CORO2B: variants seen among roughly 807,000 people sequenced by gnomAD.
The protein encoded by CORO2B is coronin-2B.
In CORO2B, 26 loss-of-function variants were observed where a neutral mutation model predicts 58.8. That is an observed-to-expected ratio of 0.44 (90% CI 0.32 to 0.61). The LOEUF (loss-of-function observed/expected upper bound fraction) is 0.61. CORO2B is among the 20% of genes least tolerant of loss of function. The probability of loss-of-function intolerance (pLI) is 0.04; values close to 1 mark genes in which losing one functional copy is unlikely to be tolerated. For synonymous variants in CORO2B, 242 were observed against 253.8 expected, an observed-to-expected ratio of 0.95 and a Z score of 0.44; for missense variants, 460 against 645.1, an observed-to-expected ratio of 0.71 and a Z score of 3.11.
intron 1 of CORO2B, among the ~76,000 whole-genome samples, chr15:68,640,324 G>T (rs1452153857): frequency 1.3e-5 from 2 of 152,160 alleles, no homozygotes; most frequent in Non-Finnish European, 2.9e-5. Context: ...CTTTACCAAA[G>T]CCAAGTAACT....
chr15:68,586,973 A>C (rs1280582240), intron 1 of CORO2B, among the ~76,000 whole-genome samples: 2 of 151,456 alleles, frequency 1.3e-5, no homozygotes, highest in African/African-American at 2.4e-5. Flanking sequence ...AATTATGACC[A>C]TTTTTGTTCT....
chr15:68,697,212 T>G (rs868805534), intron 3 of CORO2B, among the ~76,000 whole-genome samples: 1 of 147,056 alleles, frequency 6.8e-6, no homozygotes, highest in African/African-American at 2.6e-5. Flanking sequence ...ATGGATGGAT[T>G]GTTGGATGGA....
At chr15:68,550,780 G>A in the CORO2B span, among the ~76,000 whole-genome samples, 1 of 152,228 alleles carries the variant, frequency 6.6e-6, no homozygotes, top group Non-Finnish European at 1.5e-5. Flanking sequence ...ACACATCTGA[G>A]ATGCAGGCGG....
chr15:68,584,356 A>G (rs1388679465), intron 1 of CORO2B, among the ~76,000 whole-genome samples: 1 of 151,968 alleles, frequency 6.6e-6, no homozygotes, highest in Non-Finnish European at 1.5e-5. Context: ...CCACCTTGAC[A>G]CCTATGGCAG....
intron 2 of CORO2B, among the ~76,000 whole-genome samples, 182 bp from the exon 3 acceptor site, chr15:68,694,958 C>T (rs1167533226): frequency 5.9e-5 from 9 of 152,178 alleles, no homozygotes; most frequent in African/African-American, 2.2e-4. Flanking sequence ...GACACAGCTG[C>T]AGAGCAGTGT....
chr15:68,574,676 C>G (rs1899245477), upstream of CORO2B, among the ~76,000 whole-genome samples: 1 of 152,110 alleles, frequency 6.6e-6, no homozygotes, highest in African/African-American at 2.4e-5. Flanking sequence ...CAGCATCTCC[C>G]AAGTGTCAGC....
intron 2 of CORO2B, among the ~76,000 whole-genome samples, chr15:68,662,519 C>G (rs911208007): frequency 6.6e-6 from 1 of 152,138 alleles, no homozygotes; most frequent in African/African-American, 2.4e-5. Context: ...GCACTAAACA[C>G]GATGAAAAAT....
chr15:68,624,649 A>G (rs1900626560), intron 1 of CORO2B, among the ~76,000 whole-genome samples: 4 of 150,858 alleles, frequency 2.7e-5, no homozygotes, highest in Admixed American at 2.0e-4. Flanking sequence ...AATTCACTAG[A>G]TCTGGGGTGG....
chr15:68,654,074 T>C (rs1176455595), intron 2 of CORO2B, among the ~76,000 whole-genome samples: 3 of 152,336 alleles, frequency 2.0e-5, no homozygotes, highest in East Asian at 3.9e-4. Flanking sequence ...GGGAGGAGAA[T>C]TGTGCTCTCA....
intron 3 of CORO2B, 111 bp downstream of exon 3, chr15:68,695,367 T>G (rs1008519682): frequency 1.3e-6 from 1 of 764,792 alleles, no homozygotes; most frequent in Non-Finnish European, 2.3e-6. Context: ...TCTTCCCTCC[T>G]CTTTGTCATC....
chr15:68,696,267 G>GT (rs1224707234), intron 3 of CORO2B, among the ~76,000 whole-genome samples: 1 of 149,522 alleles, frequency 6.7e-6, no homozygotes, highest in Non-Finnish European at 1.5e-5. Context: ...AAAAAAAAGA[G>GT]TTCGAGCATG....
chr15:68,605,783 C>T (rs773118340), intron 1 of CORO2B, among the ~76,000 whole-genome samples: 42 of 125,576 alleles, frequency 3.3e-4, no homozygotes, highest in African/African-American at 1.1e-3. Flanking sequence ...AGTGCAGTGG[C>T]GCAATATCTC....
chr15:68,642,372 A>G (rs1177313259), intron 1 of CORO2B, among the ~76,000 whole-genome samples: 2 of 151,874 alleles, frequency 1.3e-5, no homozygotes, highest in Non-Finnish European at 2.9e-5. Flanking sequence ...TGCACTGGGA[A>G]GAGCAGAGAA....
intron 2 of CORO2B, among the ~76,000 whole-genome samples, chr15:68,646,333 C>T (rs1327460426): frequency 6.6e-6 from 1 of 152,182 alleles, no homozygotes; most frequent in Non-Finnish European, 1.5e-5. Flanking sequence ...TGAGTTCCCC[C>T]TTCCCAGCCT....
At position 68,715,195 on chromosome 15, in the gene CORO2B, T is replaced by C; in HGVS notation, c.871-20T>C. On this transcript the variant is annotated intron_variant, in intron 7 of 11. Coordinates refer to ENST00000261861, the MANE Select transcript of CORO2B (RefSeq NM_006091.5). ...CTCCCTACCTGCCACCTTCCTCAACTCCATCTCTCCTGACCCCAGGGTGAT... is the reference window on the plus strand; with the variant it reads ...CTCCCTACCTGCCACCTTCCTCAACCCCATCTCTCCTGACCCCAGGGTGAT... The C allele has an allele frequency of 6.2e-7, 1 of 1,610,788 alleles. No individual in the cohort carries two copies. Among genetic ancestry groups the C allele is most frequent in the Non-Finnish European group, 8.5e-7 (1 of 1,177,230 alleles).
At chr15:68,532,850 G>A in the CORO2B span, among the ~76,000 whole-genome samples, 1 of 152,140 alleles carries the variant, frequency 6.6e-6, no homozygotes, top group African/African-American at 2.4e-5. Flanking sequence ...AATGCCCTGG[G>A]CAATCAATAA....
intron 2 of CORO2B, among the ~76,000 whole-genome samples, chr15:68,693,684 C>T (rs760734093): frequency 6.6e-6 from 1 of 152,230 alleles, no homozygotes; most frequent in Non-Finnish European, 1.5e-5. Flanking sequence ...GACTCACCCC[C>T]TCCCAGGAAG....
chr15:68,595,857 G>A, intron 1 of CORO2B, among the ~76,000 whole-genome samples: 1 of 152,258 alleles, frequency 6.6e-6, no homozygotes, highest in African/African-American at 2.4e-5. Context: ...CCTAAAGGCC[G>A]AGGGACCCTG....
intron 1 of CORO2B, among the ~76,000 whole-genome samples, chr15:68,592,627 T>A (rs1431821335): frequency 1.3e-5 from 2 of 152,364 alleles, no homozygotes; most frequent in South Asian, 4.1e-4. Context: ...CTGGTTCAAG[T>A]CCCACCTCTC....
Sources: gnomAD v4.1 joint callset for allele counts (sites outside exome capture counted in the v4.1 genomes callset) on GRCh38, gnomAD v4.1.1 for gene constraint, MANE v1.5 for transcripts, NCBI Gene and HGNC (gene_info 2026-07-23, HGNC 2026-07-21) for gene names.